PIGX: variants seen among roughly 807,000 people sequenced by gnomAD.
The protein encoded by PIGX is phosphatidylinositol glycan anchor biosynthesis class X.
Under a neutral mutation model 28.7 loss-of-function variants are expected in PIGX, and 24 were observed. The ratio of observed to expected loss-of-function variants is 0.84; its 90% CI spans 0.60 to 1.17. The LOEUF is 1.17. PIGX is among the 50% of genes most tolerant of loss of function. PIGX has a pLI of 0.00. For synonymous variants in PIGX, 127 were observed against 121.0 expected (o/e 1.05, Z -0.33); for missense variants, 305 against 317.8 (o/e 0.96, Z 0.31).
intron 1 of PIGX, chr3:196,713,161 G>T: frequency 1.2e-6 from 1 of 864,846 alleles, no homozygotes; most frequent in Non-Finnish European, 1.4e-6. Flanking sequence ...AACCCTACAA[G>T]TTTCTCCATC....
At chr3:196,717,332 C>G (rs1019339375) in intron 2 of PIGX, among the ~76,000 whole-genome samples, 3 of 132,972 alleles carry the variant, frequency 2.3e-5, no homozygotes, top group Admixed American at 1.5e-4. Context: ...CACTTGCTTC[C>G]TCAAAGTTAC....
chr3:196,731,669 T>C (rs985746329), intron 5 of PIGX, among the ~76,000 whole-genome samples: 1 of 152,190 alleles, frequency 6.6e-6, no homozygotes, highest in Non-Finnish European at 1.5e-5. Flanking sequence ...AAAATTTTTC[T>C]CAAACTCTAA....
At chr3:196,725,103 G>T (rs1417393205) in intron 3 of PIGX, among the ~76,000 whole-genome samples, 4 of 152,116 alleles carry the variant, frequency 2.6e-5, no homozygotes, top group Non-Finnish European at 4.4e-5. Context: ...TTTAGGTAGG[G>T]TTATTAAACA....
intron 4 of PIGX, chr3:196,728,813 G>C: frequency 1.3e-6 from 1 of 762,560 alleles, no homozygotes; most frequent in Middle Eastern, 2.3e-4. Context: ...TGTACTATGT[G>C]TTTCTTTTTG....
intron 2 of PIGX, among the ~76,000 whole-genome samples, chr3:196,719,319 GTATT>G (rs973000792): frequency 2.6e-5 from 4 of 151,856 alleles, no homozygotes; most frequent in Admixed American, 6.6e-5. Flanking sequence ...GGTAAATTGA[GTATT>G]TATTTTTTAT....
intron 1 of PIGX, chr3:196,712,886 C>A (rs186468126): frequency 1.9e-6 from 2 of 1,068,310 alleles, no homozygotes; most frequent in African/African-American, 1.7e-5. Context: ...GACTGGCCGC[C>A]CTGTTACTAA....
In PIGX at chr3:196,716,843, G is replaced by C; in HGVS notation, c.113-15G>C. 6.8e-7 allele frequency: 1 copy of C among 1,466,972 alleles called. No homozygotes were observed. Among genetic ancestry groups the C allele is most frequent in the Non-Finnish European group, 9.3e-7 (1 of 1,079,862 alleles). The allele number at this position is 1,466,972 out of a possible 1,614,324, so 90.9% of individuals were successfully genotyped here. A position where few individuals can be genotyped will look rare whatever the true frequency, so the allele number is the denominator to read the frequency against. On this transcript the variant is annotated splice_polypyrimidine_tract_variant and intron_variant, in intron 1 of 5. Coordinates refer to ENST00000392391, the MANE Select transcript of PIGX (RefSeq NM_017861.4). ...GTGCTTTTGTTTTTAAAAAAAAATCGTTTGGTTCTTATAGGCATAAGGGCC... is the reference window on the plus strand; with the variant it reads ...GTGCTTTTGTTTTTAAAAAAAAATCCTTTGGTTCTTATAGGCATAAGGGCC...
Position 196,733,651 on chromosome 3 carries a change from G to A in PIGX, c.634-108G>A, listed in dbSNP as rs1415446168. Reference sequence around the variant, plus strand: ...TGGTTTTGAACTCCTGACCTCAAGCGATCTGCCCGCCTTGGCCTCCCGAAG... The same window carrying A: ...TGGTTTTGAACTCCTGACCTCAAGCAATCTGCCCGCCTTGGCCTCCCGAAG... On this transcript the variant is annotated intron_variant, in intron 5 of 5. Transcript: ENST00000392391. The surrounding 1 kb of genome is among the most constrained non-coding windows in gnomAD (Gnocchi z 4.3). 60 of 746,678 alleles carry A rather than the reference G, an allele frequency of 8.0e-5. No individual in the cohort carries two copies. Among genetic ancestry groups the A allele is most frequent in the African/African-American group, 1.2e-4 (7 of 57,606 alleles). 46.3% of individuals were successfully genotyped at this position (746,678 alleles called of 1,614,324 possible).
intron 2 of PIGX, among the ~76,000 whole-genome samples, chr3:196,717,416 T>C (rs1194280266): frequency 6.6e-6 from 1 of 152,126 alleles, no homozygotes; most frequent in East Asian, 1.9e-4. Flanking sequence ...AACAAGTATG[T>C]ATTGTTTACC....
At position 196,712,618 on chromosome 3, in the gene PIGX, C is replaced by G; in HGVS notation, c.86C>G (p.Ala29Gly). 2.5e-6 allele frequency: 3 copies of G among 1,190,038 alleles called. No individual in the cohort carries two copies. The highest frequency in any genetic ancestry group is 3.1e-6 in the Non-Finnish European group (3 of 960,958). 73.7% of individuals were successfully genotyped at this position (1,190,038 alleles called of 1,614,324 possible). ...GGGCTCACGCGCGGGCCCGCCGCGG[C>G]CTTCACCGCCGCGCGCTCTGACGCC... The change falls in exon 1 of 6, where the codon GCC becomes GGC. Residue 29 changes from alanine to glycine, a missense_variant. Ala to Gly is a moderately conservative substitution (Grantham distance 60). Transcript: ENST00000392391.
In PIGX at chr3:196,735,123, T is replaced by C. The variant is rs1712955376; in HGVS notation, c.*1221T>C. On this transcript the variant is annotated 3_prime_UTR_variant, in exon 6 of 6. Coordinates refer to ENST00000392391, the MANE Select transcript of PIGX (RefSeq NM_017861.4). The stretch of plus-strand genomic sequence containing the variant: ...TCCTGGCTAACACGGTGAAACCCCA[T>C]CTCTACTAAAAATACAAAAAAATGA... The C allele has an allele frequency of 6.6e-6, 1 of 151,334 alleles. No homozygotes were observed. The highest frequency in any genetic ancestry group is 1.5e-5 in the Non-Finnish European group (1 of 68,000). The allele number at this position is 151,334 out of a possible 1,614,324, so 9.4% of individuals were successfully genotyped here.
intron 3 of PIGX, 112 bp from the exon 4 acceptor site, chr3:196,727,811 A>G: frequency 1.6e-6 from 1 of 616,514 alleles, no homozygotes; most frequent in East Asian, 2.9e-5. Context: ...TGCTTATAAA[A>G]GGGGCAAATT....
chr3:196,718,393 T>C (rs1712186148), intron 2 of PIGX, among the ~76,000 whole-genome samples: 1 of 152,208 alleles, frequency 6.6e-6, no homozygotes, highest in South Asian at 2.1e-4. Flanking sequence ...AGATAGCTTT[T>C]TATGAGTTGA....
intron 3 of PIGX, among the ~76,000 whole-genome samples, chr3:196,725,912 T>A (rs1712502218): frequency 6.6e-6 from 1 of 152,196 alleles, no homozygotes; most frequent in African/African-American, 2.4e-5. Context: ...TCAAACTTTT[T>A]CTAAGTAACT....
chr3:196,719,524 TAATTTGTTGCTTTAGGGTTTAC>T (rs1712228810), intron 2 of PIGX, among the ~76,000 whole-genome samples: 1 of 152,176 alleles, frequency 6.6e-6, no homozygotes, highest in South Asian at 2.1e-4. Context: ...TCTCTGTTTT[TAATTTGTTGCTTTAGGGTTTAC>T]AACCTGCAAT....
intron 3 of PIGX, chr3:196,726,702 G>T (rs1280814213): frequency 2.2e-6 from 1 of 456,458 alleles, no homozygotes; most frequent in South Asian, 1.5e-5. Flanking sequence ...ATAATTGAAG[G>T]ATCCCTAGTG....
At chr3:196,732,184 A>T (rs1324944905) in intron 5 of PIGX, among the ~76,000 whole-genome samples, 9 of 141,702 alleles carry the variant, frequency 6.4e-5, no homozygotes, top group African/African-American at 2.3e-4. Context: ...TTAACACTTT[A>T]AATATAGCTT....
At position 196,713,801 on chromosome 3, in the gene PIGX, C is replaced by T. The variant is rs1028518682; in HGVS notation, c.112+1157C>T. Among the ~76,000 whole-genome samples, 4 of 147,202 alleles carry T rather than the reference C, an allele frequency of 2.7e-5. No individual in the cohort carries two copies. The Admixed American group carries it at 2.7e-4, about 10-fold the overall frequency. Reference sequence around the variant, plus strand: ...GCAGTGAGCCGAGATCGCGCCATTGCACTCCAGCCTGGGTGACAGAGGGAG... The same window carrying T: ...GCAGTGAGCCGAGATCGCGCCATTGTACTCCAGCCTGGGTGACAGAGGGAG... On this transcript the variant is annotated intron_variant, in intron 1 of 5. Coordinates refer to ENST00000392391, the MANE Select transcript of PIGX (RefSeq NM_017861.4).
intron 1 of PIGX, among the ~76,000 whole-genome samples, chr3:196,715,108 AAAG>A (rs1712044926): frequency 1.3e-5 from 2 of 152,140 alleles, no homozygotes; most frequent in African/African-American, 4.8e-5. Context: ...AAAAATAAAA[AAAG>A]AACAAATAAA....
Sources: gnomAD v4.1 joint callset for allele counts (sites outside exome capture counted in the v4.1 genomes callset) on GRCh38, gnomAD v4.1.1 for gene constraint, Gnocchi (gnomAD v3.1) non-coding constraint, MANE v1.5 for transcripts, NCBI Gene and HGNC (gene_info 2026-07-23, HGNC 2026-07-21) for gene names.